The following SGMS1 variants were observed in gnomAD, a reference collection of about 807,000 sequenced individuals.
SGMS1 encodes the protein sphingomyelin synthase 1.
A neutral mutation model predicts 46.2 loss-of-function variants in SGMS1; 13 were observed. The ratio of observed to expected loss-of-function variants is 0.28; its 90% CI spans 0.18 to 0.45. The LOEUF is 0.45. Among genes scored for constraint, SGMS1 ranks in the 20% least tolerant of loss-of-function variants. The pLI, the probability that SGMS1 is intolerant of heterozygous loss-of-function variation, is 1.00. For missense variants in SGMS1, 324 were observed against 519.9 expected (o/e 0.62, Z 3.66); for synonymous variants, 203 against 187.8 (o/e 1.08, Z -0.66).
At chr10:50,368,469 G>A (rs1848385238) in intron 6 of SGMS1, among the ~76,000 whole-genome samples, 1 of 152,166 alleles carries the variant, frequency 6.6e-6, no homozygotes, top group Admixed American at 6.5e-5. Context: ...CAATTCTCCT[G>A]ACTCAGCCTC....
chr10:50,353,328 T>C (rs930825700), intron 6 of SGMS1, among the ~76,000 whole-genome samples: 1 of 152,296 alleles, frequency 6.6e-6, no homozygotes, highest in Non-Finnish European at 1.5e-5. Context: ...ACAGAACCAC[T>C]GACAAAAACC....
At chr10:50,483,075 G>T (rs905112653) in intron 3 of SGMS1, among the ~76,000 whole-genome samples, 8 of 151,974 alleles carry the variant, frequency 5.3e-5, no homozygotes, top group African/African-American at 9.7e-5. Flanking sequence ...GTTTTGAGGG[G>T]TTTTTTGTTT....
At chr10:50,583,072 G>A (rs537602146) in intron 2 of SGMS1, among the ~76,000 whole-genome samples, 15 of 152,216 alleles carry the variant, frequency 9.9e-5, no homozygotes, top group African/African-American at 2.6e-4. Context: ...CCATTAATTC[G>A]ATCCTTCTCA....
chr10:50,400,430 TATATATATATATATATATATATAG>T, intron 6 of SGMS1, among the ~76,000 whole-genome samples: 3 of 38,184 alleles, frequency 7.9e-5, no homozygotes, highest in African/African-American at 1.9e-4. Context: ...TATATATATA[TATATATATATATATATATATATAG>T]CTATTTTTTT....
At chr10:50,400,396 CATATATATATATAT>C (rs10524155) in intron 6 of SGMS1, among the ~76,000 whole-genome samples, 1,617 of 98,112 alleles carry the variant, frequency 0.016, 36 homozygotes, top group Non-Finnish European at 0.018. Flanking sequence ...CACATCCTGG[CATATATATATATAT>C]ATATATATAT....
intron 1 of SGMS1, 80 bp downstream of exon 1, chr10:50,623,627 A>G: frequency 1.0e-6 from 1 of 985,192 alleles, no homozygotes; most frequent in Non-Finnish European, 1.2e-6. Flanking sequence ...TCCCCGGCAT[A>G]AGGCCGGGCC....
intron 1 of SGMS1, among the ~76,000 whole-genome samples, chr10:50,592,957 G>T (rs745914500): frequency 8.2e-5 from 10 of 121,612 alleles, no homozygotes; most frequent in Non-Finnish European, 1.6e-4. Flanking sequence ...TCATGCGCTT[G>T]TATAGTCCCG....
intron 7 of SGMS1, among the ~76,000 whole-genome samples, chr10:50,332,305 C>T (rs1486779636): frequency 6.6e-6 from 1 of 152,088 alleles, no homozygotes. Flanking sequence ...TGGATTCTGC[C>T]TTCTCCTGGG....
At chr10:50,623,096 C>T (rs1317909027) in intron 1 of SGMS1, among the ~76,000 whole-genome samples, 2 of 151,966 alleles carry the variant, frequency 1.3e-5, no homozygotes, top group Admixed American at 6.5e-5. Context: ...TGTTACGCGG[C>T]CTGGAGAGAA....
At chr10:50,554,521 C>T (rs1838174489) in intron 2 of SGMS1, among the ~76,000 whole-genome samples, 2 of 152,052 alleles carry the variant, frequency 1.3e-5, no homozygotes, top group Admixed American at 1.3e-4. Flanking sequence ...AACAAAGGTT[C>T]CCTGCTAGTG....
At chr10:50,624,953 CT>C, upstream of SGMS1, 1 of 1,028,346 alleles carries the variant, frequency 9.7e-7, no homozygotes, top group Non-Finnish European at 1.2e-6. Context: ...GGGCAGCCAT[CT>C]TCCGCCCGGC....
intron 2 of SGMS1, 124 bp from the exon 3 acceptor site, chr10:50,520,045 G>A (rs1837844191): frequency 6.6e-6 from 1 of 151,970 alleles, no homozygotes. Context: ...GAGAAATAAG[G>A]GCCACCTGGA....
Position 50,394,810 on chromosome 10 carries a change from C to T in SGMS1, c.-232+38666G>A, listed in dbSNP as rs145474685. 1.0e-3 allele frequency among the ~76,000 whole-genome samples: 155 copies of T among 152,308 alleles called. No individual in the cohort carries two copies. The Middle Eastern group carries it at 0.014, about 13-fold the overall frequency. ...CAGGATTTTGCTTTTCATTCAACAA[C>T]AAATTGTTTAGCAACTAATAACTGG... On this transcript the variant is annotated intron_variant, in intron 6 of 10. Coordinates refer to ENST00000361781, the MANE Select transcript of SGMS1 (RefSeq NM_147156.4).
intron 2 of SGMS1, among the ~76,000 whole-genome samples, chr10:50,562,753 C>T (rs1445306921): frequency 1.3e-5 from 2 of 152,258 alleles, no homozygotes; most frequent in Middle Eastern, 3.4e-3. Flanking sequence ...ACCATGTTAT[C>T]CAGGATGGTC....
chr10:50,416,427 A>T (rs1240186758), intron 6 of SGMS1, among the ~76,000 whole-genome samples: 1 of 152,230 alleles, frequency 6.6e-6, no homozygotes, highest in African/African-American at 2.4e-5. Flanking sequence ...AGTGCCTGAT[A>T]AAGGAGATCC....
chr10:50,552,024 C>T (rs182689704), intron 2 of SGMS1, among the ~76,000 whole-genome samples: 7 of 152,250 alleles, frequency 4.6e-5, no homozygotes, highest in East Asian at 3.9e-4. Context: ...AACAGTCACA[C>T]GCAATATGCA....
chr10:50,526,880 C>T (rs947858712), intron 2 of SGMS1, among the ~76,000 whole-genome samples: 1 of 151,866 alleles, frequency 6.6e-6, no homozygotes, highest in African/African-American at 2.4e-5. Context: ...TCCTGGCCAA[C>T]ATGGTGAAAC....
intron 6 of SGMS1, among the ~76,000 whole-genome samples, chr10:50,372,125 T>C (rs1848444697): frequency 6.6e-6 from 1 of 152,230 alleles, no homozygotes; most frequent in Non-Finnish European, 1.5e-5. Flanking sequence ...TTTTCATTAT[T>C]GTATTCCCAG....
intron 3 of SGMS1, among the ~76,000 whole-genome samples, chr10:50,493,324 G>C (rs1837582653): frequency 6.6e-6 from 1 of 152,116 alleles, no homozygotes; most frequent in Non-Finnish European, 1.5e-5. Flanking sequence ...ACTCAAGATG[G>C]ATTAAAGACT....
Sources: allele counts gnomAD v4.1 joint callset (sites outside exome capture counted in the v4.1 genomes callset), GRCh38; gene constraint gnomAD v4.1.1; transcripts MANE v1.5; gene names NCBI Gene and HGNC (gene_info 2026-07-23, HGNC 2026-07-21).